ABCA1: variants seen among roughly 807,000 people sequenced by gnomAD.
ABCA1 encodes the protein phospholipid-transporting ATPase ABCA1.
A neutral mutation model predicts 262.5 loss-of-function variants in ABCA1; 133 were observed. The ratio of observed to expected loss-of-function variants is 0.51; its 90% CI spans 0.44 to 0.59. The LOEUF is 0.59. Ranked by LOEUF, ABCA1 falls within the 20% of genes least tolerant of loss-of-function variation. The probability of loss-of-function intolerance (pLI) is 0.00; values close to 1 mark genes in which losing one functional copy is unlikely to be tolerated. For missense variants in ABCA1, 2,452 were observed against 2,777.5 expected (o/e 0.88, Z 2.63); for synonymous variants, 1,022 against 1,043.5 (o/e 0.98, Z 0.40).
chr9:104,926,626 G>A (rs1324055797), intron 1 of ABCA1, among the ~76,000 whole-genome samples: 1 of 150,824 alleles, frequency 6.6e-6, no homozygotes, highest in African/African-American at 2.4e-5. Context: ...GGCGCTGCGG[G>A]CCAGTCTCCG....
chr9:104,844,166 G>T (rs115761095), intron 8 of ABCA1, among the ~76,000 whole-genome samples: 2 of 152,022 alleles, frequency 1.3e-5, no homozygotes, highest in South Asian at 4.2e-4. Flanking sequence ...AGAGGGCTGC[G>T]AGGGGATCTG....
intron 18 of ABCA1, among the ~76,000 whole-genome samples, chr9:104,823,201 G>A (rs1232486993): frequency 6.6e-6 from 1 of 152,252 alleles, no homozygotes; most frequent in East Asian, 1.9e-4. Context: ...AAGAAGGGAG[G>A]TGGCTGTGGC....
At chr9:104,789,376 A>G (rs891084707) in intron 44 of ABCA1, among the ~76,000 whole-genome samples, 1 of 152,222 alleles carries the variant, frequency 6.6e-6, no homozygotes, top group African/African-American at 2.4e-5. Context: ...GCAGTTGTGC[A>G]GCGCTAGGCC....
At chr9:104,867,173 C>T (rs995715614) in intron 5 of ABCA1, among the ~76,000 whole-genome samples, 3 of 152,166 alleles carry the variant, frequency 2.0e-5, no homozygotes, top group Admixed American at 6.5e-5. Context: ...CACTCAGCCA[C>T]GTCAGCCCAG....
intron 8 of ABCA1, among the ~76,000 whole-genome samples, chr9:104,843,948 G>A (rs1333006075): frequency 5.3e-5 from 8 of 151,196 alleles, no homozygotes; most frequent in Middle Eastern, 3.4e-3. Context: ...CAAGAAAAAC[G>A]TATATTGTTC....
chr9:104,816,187 G>A lies in ABCA1; in HGVS notation c.3694C>T (p.Leu1232=), dbSNP rs1386005249. The change falls in exon 25 of 50, where the codon CTG becomes TTG. Residue 1232 remains leucine, a synonymous_variant. Transcript: ENST00000374736. The stretch of plus-strand genomic sequence containing the variant: ...GAGATGCCATAACTAGAAATGCCCA[G>A]GTCTGAGAGCCGGTCATCAATCTCA... ...FHEIDDRLSD[L]GISSYGISET... 2 of 1,614,146 alleles carry A rather than the reference G, an allele frequency of 1.2e-6. No individual in the cohort carries two copies. Among genetic ancestry groups the A allele is most frequent in the Non-Finnish European group, 1.7e-6 (2 of 1,180,024 alleles).
At chr9:104,893,421 C>CAAAAAAAAAAAAAAAAAAAAA (rs34544647) in intron 2 of ABCA1, among the ~76,000 whole-genome samples, 13 of 35,252 alleles carry the variant, frequency 3.7e-4, no homozygotes, top group Non-Finnish European at 4.0e-4. Context: ...GACTTCACCT[C>CAAAAAAAAAAAAAAAAAAAAA]AAAAAAAAAA....
chr9:104,881,283 G>C (rs146460872), intron 5 of ABCA1, among the ~76,000 whole-genome samples: 1 of 152,356 alleles, frequency 6.6e-6, no homozygotes, highest in East Asian at 1.9e-4. Context: ...TTGCAAGGCA[G>C]AAGAACAAGG....
chr9:104,913,791 AT>A (rs890934610), intron 1 of ABCA1, among the ~76,000 whole-genome samples: 6 of 151,078 alleles, frequency 4.0e-5, no homozygotes, highest in Admixed American at 3.3e-4. Context: ...ATTTTATTTT[AT>A]TTATTTATCT....
intron 19 of ABCA1, among the ~76,000 whole-genome samples, 175 bp downstream of exon 19, chr9:104,822,321 C>G (rs1370178166): frequency 1.3e-5 from 2 of 152,184 alleles, no homozygotes; most frequent in East Asian, 1.9e-4. Flanking sequence ...TAACATCTAG[C>G]AAACTAGCAC....
At chr9:104,912,685 C>T (rs1375729529) in intron 1 of ABCA1, among the ~76,000 whole-genome samples, 2 of 152,138 alleles carry the variant, frequency 1.3e-5, no homozygotes, top group East Asian at 3.9e-4. Flanking sequence ...AAGCAAACAC[C>T]AAGCAACCTT....
At chr9:104,834,224 T>C (rs756692668) in intron 11 of ABCA1, among the ~76,000 whole-genome samples, 4 of 149,868 alleles carry the variant, frequency 2.7e-5, no homozygotes, top group Non-Finnish European at 4.4e-5. Context: ...AATAACAATA[T>C]AGCAATAACA....
chr9:104,864,998 G>T (rs1221482739), intron 5 of ABCA1, among the ~76,000 whole-genome samples: 2 of 152,226 alleles, frequency 1.3e-5, no homozygotes, highest in African/African-American at 2.4e-5. Context: ...GGTGTGGTAG[G>T]TTCGCTGGGT....
chr9:104,801,230 C>CT (rs1170777520), intron 34 of ABCA1, among the ~76,000 whole-genome samples: 1 of 151,968 alleles, frequency 6.6e-6, no homozygotes, highest in East Asian at 1.9e-4. Flanking sequence ...GTTCTGAGAG[C>CT]TTTTTTTGAG....
intron 1 of ABCA1, among the ~76,000 whole-genome samples, chr9:104,904,578 A>G (rs969376242): frequency 1.3e-5 from 2 of 151,946 alleles, no homozygotes; most frequent in African/African-American, 4.8e-5. Context: ...AAAAAAAAAA[A>G]AAAGCACCAT....
rs1216113220 is a variant in ABCA1 at position 104,883,024 on chromosome 9, A to T, written c.421+15T>A. Reference sequence around the variant, plus strand: ...TTTCCAATTATAAACGGATGCAGAGAAGGTTTTTACTTACTTGAGCTGGAT... The same window carrying T: ...TTTCCAATTATAAACGGATGCAGAGTAGGTTTTTACTTACTTGAGCTGGAT... On this transcript the variant is annotated intron_variant, in intron 5 of 49. Transcript: ENST00000374736. The T allele has an allele frequency of 1.9e-6, 3 of 1,594,494 alleles. No homozygotes were observed. The highest frequency in any genetic ancestry group is 2.6e-6 in the Non-Finnish European group (3 of 1,162,090).
At chr9:104,847,916 T>C (rs2119061021) in intron 7 of ABCA1, among the ~76,000 whole-genome samples, 1 of 152,354 alleles carries the variant, frequency 6.6e-6, no homozygotes, top group Non-Finnish European at 1.5e-5. Flanking sequence ...TATATGTCTA[T>C]ATGTATAGAC....
At chr9:104,873,930 C>T (rs1330993493) in intron 5 of ABCA1, among the ~76,000 whole-genome samples, 12 of 152,186 alleles carry the variant, frequency 7.9e-5, no homozygotes, top group Admixed American at 7.9e-4. Flanking sequence ...GGCCATCTGG[C>T]TGCCAAGTCT....
chr9:104,814,578 G>C (rs1831568843), intron 25 of ABCA1, 103 bp from the exon 26 acceptor site: 1 of 1,168,788 alleles, frequency 8.6e-7, no homozygotes, highest in Admixed American at 1.8e-5. Flanking sequence ...AGCCCCGTAA[G>C]ACAGAGAAAG....
Sources: allele counts gnomAD v4.1 joint callset (sites outside exome capture counted in the v4.1 genomes callset), GRCh38; gene constraint gnomAD v4.1.1; transcripts MANE v1.5; gene names NCBI Gene and HGNC (gene_info 2026-07-23, HGNC 2026-07-21).